Variants in TENM2 observed in about 807,000 individuals in gnomAD.
The protein encoded by TENM2 is teneurin-2.
A neutral mutation model predicts 245.2 loss-of-function variants in TENM2; 52 were observed. The observed-to-expected ratio is 0.21, with a 90% confidence interval of 0.17 to 0.27. The LOEUF is 0.27. Ranked by LOEUF, TENM2 falls within the 10% of genes least tolerant of loss-of-function variation. TENM2 has a pLI of 1.00. For synonymous variants in TENM2, 1,363 were observed against 1,438.9 expected, an observed-to-expected ratio of 0.95 and a Z score of 1.19; for missense variants, 3,046 against 3,666.8, an observed-to-expected ratio of 0.83 and a Z score of 4.37.
chr5:168,036,613 G>A (rs1187246237), intron 5 of TENM2, among the ~76,000 whole-genome samples: 1 of 143,058 alleles, frequency 7.0e-6, no homozygotes, highest in Non-Finnish European at 1.5e-5. Flanking sequence ...TCTAGCCTGG[G>A]CAACAAGAGC....
At chr5:167,307,515 A>G (rs1318793176) in intron 1 of TENM2, among the ~76,000 whole-genome samples, 1 of 152,162 alleles carries the variant, frequency 6.6e-6, no homozygotes, top group African/African-American at 2.4e-5. Context: ...TCAGAACCGA[A>G]CAAACCTTTA....
chr5:167,462,756 A>G (rs1159256082), intron 2 of TENM2, among the ~76,000 whole-genome samples: 1 of 151,670 alleles, frequency 6.6e-6, no homozygotes, highest in African/African-American at 2.4e-5. Context: ...TGGGGTTTAT[A>G]TGGGTACAGG....
rs1391703284 is a variant in TENM2 at position 167,739,154 on chromosome 5, G to T, written c.503-136832G>T. ...CCCTTGGCTAGAAAAGGACAGGGTG[G>T]CTTTGCAGTCTGCAGGCCAGGAATG... On this transcript the variant is annotated intron_variant, in intron 2 of 28. Coordinates refer to ENST00000518659, the Ensembl canonical transcript of TENM2. Among the ~76,000 whole-genome samples the T allele has an allele frequency of 5.9e-5, 9 of 152,170 alleles. No homozygotes were observed. The South Asian group carries it at 8.3e-4, about 14-fold the overall frequency.
At chr5:167,086,541 A>G in the TENM2 span, among the ~76,000 whole-genome samples, 4 of 152,180 alleles carry the variant, frequency 2.6e-5, no homozygotes, top group Admixed American at 1.3e-4. Flanking sequence ...GGAAATGCAT[A>G]GGAGCCAGCT....
Position 168,107,157 on chromosome 5 carries a change from C to T in TENM2, c.1813+9030C>T, listed in dbSNP as rs989446780. Reference sequence around the variant, plus strand: ...GGCACGTTCCATCACCTTCCTCTTCCCACCACCTGCCAACTCCTGTTCCGA... The same window carrying T: ...GGCACGTTCCATCACCTTCCTCTTCTCACCACCTGCCAACTCCTGTTCCGA... On this transcript the variant is annotated intron_variant, in intron 9 of 28. Transcript: ENST00000518659. Among the ~76,000 whole-genome samples the T allele has an allele frequency of 2.0e-5, 3 of 152,164 alleles. No homozygotes were observed. In the South Asian group the frequency reaches 6.2e-4, roughly 32 times the overall value.
At chr5:168,253,491 T>A (rs1275756017) in intron 27 of TENM2, among the ~76,000 whole-genome samples, 1 of 149,198 alleles carries the variant, frequency 6.7e-6, no homozygotes, top group South Asian at 2.1e-4. Flanking sequence ...AGTGGTACGA[T>A]CTTGGCTCAC....
chr5:167,583,525 TAAAAC>T (rs200645928), intron 2 of TENM2, among the ~76,000 whole-genome samples: 2,980 of 133,300 alleles, frequency 0.022, 39 homozygotes, highest in South Asian at 0.038. Context: ...AAACCTATCT[TAAAAC>T]AAAACAAAAC....
chr5:167,293,629 G>A (rs921724473), intron 1 of TENM2, among the ~76,000 whole-genome samples: 2 of 152,038 alleles, frequency 1.3e-5, no homozygotes, highest in East Asian at 3.9e-4. Context: ...TTGCCTTTCT[G>A]ATGCTGAGTT....
At chr5:167,476,273 C>CTT (rs1767367318) in intron 2 of TENM2, among the ~76,000 whole-genome samples, 1 of 152,076 alleles carries the variant, frequency 6.6e-6, no homozygotes, top group African/African-American at 2.4e-5. Context: ...TATCAATGAA[C>CTT]TTTTTGTACT....
At chr5:166,998,679 G>A in the TENM2 span, among the ~76,000 whole-genome samples, 12 of 152,214 alleles carry the variant, frequency 7.9e-5, no homozygotes, top group Middle Eastern at 3.4e-3. Flanking sequence ...AGAGATATTC[G>A]TCAGCACAAA....
chr5:167,279,665 T>C, the TENM2 span, among the ~76,000 whole-genome samples: 1 of 152,092 alleles, frequency 6.6e-6, no homozygotes, highest in Non-Finnish European at 1.5e-5. Flanking sequence ...TAAGTCAATC[T>C]ACCATCTATC....
At chr5:167,216,786 G>A in the TENM2 span, among the ~76,000 whole-genome samples, 12 of 152,228 alleles carry the variant, frequency 7.9e-5, no homozygotes, top group African/African-American at 2.9e-4. Flanking sequence ...ACTTAGTCAT[G>A]TGTGGTGGTG....
intron 2 of TENM2, among the ~76,000 whole-genome samples, chr5:167,730,194 T>G (rs1185704853): frequency 2.0e-5 from 3 of 152,214 alleles, no homozygotes; most frequent in African/African-American, 7.2e-5. Context: ...TACAGAAACC[T>G]ATTTATGAAA....
intron 1 of TENM2, among the ~76,000 whole-genome samples, chr5:167,311,136 C>A (rs763989997): frequency 6.6e-6 from 1 of 152,116 alleles, no homozygotes; most frequent in African/African-American, 2.4e-5. Context: ...ACTGCATAAC[C>A]GAGCTTCATT....
At chr5:168,082,983 C>G (rs537278709) in intron 7 of TENM2, among the ~76,000 whole-genome samples, 2 of 152,294 alleles carry the variant, frequency 1.3e-5, no homozygotes, top group African/African-American at 4.8e-5. Flanking sequence ...TCATAGCTGT[C>G]AGACAGGGAT....
At chr5:167,868,910 G>C (rs1772568566) in intron 2 of TENM2, among the ~76,000 whole-genome samples, 2 of 152,132 alleles carry the variant, frequency 1.3e-5, no homozygotes, top group Non-Finnish European at 2.9e-5. Context: ...TTCCATCTGG[G>C]TCCCTTGTCC....
At chr5:167,513,601 A>G (rs970653366) in intron 2 of TENM2, among the ~76,000 whole-genome samples, 2 of 152,200 alleles carry the variant, frequency 1.3e-5, no homozygotes, top group East Asian at 3.9e-4. Flanking sequence ...ATCCGCTGGA[A>G]TAGCCACTTT....
At chr5:168,120,748 G>C (rs1303657729) in intron 10 of TENM2, among the ~76,000 whole-genome samples, 1 of 152,178 alleles carries the variant, frequency 6.6e-6, no homozygotes, top group Non-Finnish European at 1.5e-5. Context: ...AGAAAGTCTG[G>C]ATCAGCACTT....
chr5:167,447,526 C>A (rs1033614280), intron 2 of TENM2, among the ~76,000 whole-genome samples: 2 of 152,164 alleles, frequency 1.3e-5, no homozygotes, highest in African/African-American at 4.8e-5. Context: ...GTTGTTACAA[C>A]TTTGACTTGG....
Sources: gnomAD v4.1 joint callset for allele counts (sites outside exome capture counted in the v4.1 genomes callset) on GRCh38, gnomAD v4.1.1 for gene constraint, MANE v1.5 for transcripts, NCBI Gene and HGNC (gene_info 2026-07-23, HGNC 2026-07-21) for gene names.